CASZ1: variants seen among roughly 807,000 people sequenced by gnomAD.
The protein encoded by CASZ1 is castor zinc finger 1, also known as zinc finger protein castor homolog 1.
A neutral mutation model predicts 135.2 loss-of-function variants in CASZ1; 28 were observed. That is an observed-to-expected ratio of 0.21 (90% confidence interval 0.15 to 0.28). The LOEUF (loss-of-function observed/expected upper bound fraction) is 0.28, where lower values mean the gene tolerates loss of function less well. Ranked by LOEUF, CASZ1 falls within the 10% of genes least tolerant of loss-of-function variation. The pLI is 1.00. For synonymous variants in CASZ1, 1,068 were observed against 1,073.4 expected, an observed-to-expected ratio of 0.99 and a Z score of 0.10; for missense variants, 2,161 against 2,453.3, an observed-to-expected ratio of 0.88 and a Z score of 2.52.
intron 1 of CASZ1, among the ~76,000 whole-genome samples, chr1:10,775,269 A>C (rs1160832594): frequency 1.3e-5 from 2 of 152,174 alleles, no homozygotes; most frequent in African/African-American, 4.8e-5. Context: ...TCTTCACCCA[A>C]AACTCAAAAT....
chr1:10,762,549 C>T lies in CASZ1; in HGVS notation c.-233-1692G>A, dbSNP rs1261137752. Reference sequence around the variant, plus strand: ...CCCAAAGCCCTGGGCAGCCCGTCCACCCACAAAACTCCCCTGGGCTAGAAG... The same window carrying T: ...CCCAAAGCCCTGGGCAGCCCGTCCATCCACAAAACTCCCCTGGGCTAGAAG... On this transcript the variant is annotated intron_variant, in intron 1 of 20. Transcript: ENST00000377022. The surrounding 1 kb of genome is among the most constrained non-coding windows in gnomAD (Gnocchi z 4.1). Among the ~76,000 whole-genome samples the T allele has an allele frequency of 1.3e-5, 2 of 152,172 alleles. No individual in the cohort carries two copies. Among genetic ancestry groups the T allele is most frequent in the African/African-American group, 4.8e-5 (2 of 41,428 alleles).
In CASZ1 at chr1:10,747,165, C is replaced by T. The variant is rs921322108; in HGVS notation, c.-77+13536G>A. On this transcript the variant is annotated intron_variant, in intron 2 of 20. Transcript: ENST00000377022. The surrounding 1 kb of genome is among the most constrained non-coding windows in gnomAD (Gnocchi z 4.3). ...CCCCAGGAGGCTCCAGCTACTCCAC[C>T]AGCTACCCCCATACCCTCTGAGCCT... 2.0e-5 allele frequency among the ~76,000 whole-genome samples: 3 copies of T among 152,232 alleles called. No homozygotes were observed. The highest frequency in any genetic ancestry group is 4.4e-5 in the Non-Finnish European group (3 of 68,032).
intron 2 of CASZ1, among the ~76,000 whole-genome samples, chr1:10,723,467 C>G (rs1318114912): frequency 1.3e-5 from 2 of 152,212 alleles, no homozygotes. Context: ...GGCTGTGGCT[C>G]TGAGCAGTCT....
chr1:10,653,318 C>T (rs1448854478), intron 11 of CASZ1, 59 bp downstream of exon 11: 6 of 1,562,962 alleles, frequency 3.8e-6, no homozygotes, highest in Non-Finnish European at 5.3e-6. Context: ...AGCCTGAGGC[C>T]AGGTGGCCAC....
At chr1:10,687,493 C>A (rs1321270884) in intron 4 of CASZ1, among the ~76,000 whole-genome samples, 2 of 152,266 alleles carry the variant, frequency 1.3e-5, no homozygotes, top group Non-Finnish European at 2.9e-5. Context: ...ACATACCACG[C>A]CCGGGGCAGA....
chr1:10,680,589 G>T (rs1638383742), intron 4 of CASZ1, among the ~76,000 whole-genome samples: 3 of 152,214 alleles, frequency 2.0e-5, no homozygotes, highest in African/African-American at 7.2e-5. Flanking sequence ...AGAGCGCAAA[G>T]GGTAGGGCAA....
Position 10,777,416 on chromosome 1 carries a change from C to A in CASZ1, c.-233-16559G>T, listed in dbSNP as rs1640680769. Among the ~76,000 whole-genome samples, 1 of 152,140 alleles carries A rather than the reference C, an allele frequency of 6.6e-6. No homozygotes were observed. Among genetic ancestry groups the A allele is most frequent in the Admixed American group, 6.5e-5 (1 of 15,270 alleles). ...TGGTCAAACCACCGCATCATTCCCA[C>A]AAAATCCTCTGAGCTCATGCGGAAG... On this transcript the variant is annotated intron_variant, in intron 1 of 20. Transcript: ENST00000377022. This position sits in a 1 kb window ranked among gnomAD's most constrained non-coding sequence, Gnocchi z 4.4.
Position 10,651,017 on chromosome 1 carries a change from CG to C in CASZ1, c.2739del (p.Gly914ValfsTer18). ...GGGCCTGGGGCGCCGGTGCTCTCAC[CG>C]GGTTCCGGCTTCACTTGGGCCGGGG... Reference protein sequence around the residue: ...RFPPAQVKPEPGESTGAPGPH... With the variant: ...RFPPAQVKPEXGESTGAPGPH... On this transcript the variant is annotated frameshift_variant, in exon 12 of 21. Coordinates refer to ENST00000377022, the MANE Select transcript of CASZ1 (RefSeq NM_001079843.3). LOFTEE classifies it high-confidence loss of function. The C allele has an allele frequency of 6.4e-7, 1 of 1,564,506 alleles. No homozygotes were observed. Among genetic ancestry groups the C allele is most frequent in the Non-Finnish European group, 8.6e-7 (1 of 1,164,822 alleles).
intron 1 of CASZ1, among the ~76,000 whole-genome samples, chr1:10,789,010 G>A (rs1447635603): frequency 3.3e-5 from 5 of 152,180 alleles, no homozygotes; most frequent in African/African-American, 7.2e-5. Context: ...GAGCCCAAGG[G>A]GACAGTAAGG....
chr1:10,667,918 C>T (rs1200750778), intron 4 of CASZ1, among the ~76,000 whole-genome samples: 3 of 151,480 alleles, frequency 2.0e-5, no homozygotes, highest in African/African-American at 2.4e-5. Context: ...CCACCAGCTG[C>T]GGTGCAGCTG....
intron 2 of CASZ1, among the ~76,000 whole-genome samples, chr1:10,748,965 C>A (rs544017243): frequency 4.6e-5 from 7 of 152,318 alleles, no homozygotes; most frequent in African/African-American, 1.7e-4. Context: ...TCGCTTCTGT[C>A]TTTGGGGGTC....
At chr1:10,742,512 C>T (rs778357238) in intron 2 of CASZ1, among the ~76,000 whole-genome samples, 1 of 152,124 alleles carries the variant, frequency 6.6e-6, no homozygotes, top group Non-Finnish European at 1.5e-5. Context: ...TCACCTCCTG[C>T]CCATGTGCTT....
intron 1 of CASZ1, among the ~76,000 whole-genome samples, chr1:10,785,398 T>C (rs1640842250): frequency 6.6e-6 from 1 of 152,154 alleles, no homozygotes; most frequent in Non-Finnish European, 1.5e-5. Flanking sequence ...GAAATTAACC[T>C]GCTCCCAGAT....
intron 1 of CASZ1, among the ~76,000 whole-genome samples, chr1:10,790,108 G>A (rs997262543): frequency 7.9e-5 from 12 of 152,218 alleles, no homozygotes; most frequent in African/African-American, 2.9e-4. Flanking sequence ...GCAGAGCGGC[G>A]TGGCAGCCAG....
chr1:10,684,217 C>G (rs904389432), intron 4 of CASZ1, among the ~76,000 whole-genome samples: 2 of 151,988 alleles, frequency 1.3e-5, no homozygotes, highest in Admixed American at 1.3e-4. Context: ...TTCCCTTGTC[C>G]GCATCCTCTC....
At chr1:10,643,569 G>A (rs148052841) in intron 18 of CASZ1, among the ~76,000 whole-genome samples, 4 of 152,338 alleles carry the variant, frequency 2.6e-5, no homozygotes, top group Non-Finnish European at 5.9e-5. Context: ...CCCATCCCCT[G>A]GCTCACACAC....
intron 4 of CASZ1, among the ~76,000 whole-genome samples, chr1:10,685,082 TTTA>T (rs1638543119): frequency 1.3e-5 from 2 of 152,262 alleles, no homozygotes; most frequent in African/African-American, 2.4e-5. Flanking sequence ...CTTTCATTAA[TTTA>T]CTATTACATT....
intron 2 of CASZ1, among the ~76,000 whole-genome samples, chr1:10,716,761 G>A (rs1283543793): frequency 4.6e-5 from 7 of 152,214 alleles, no homozygotes; most frequent in African/African-American, 1.7e-4. Context: ...AATGCCACTA[G>A]TAGGCAGGGC....
chr1:10,761,749 G>A (rs72862920), intron 1 of CASZ1, among the ~76,000 whole-genome samples: 88 of 152,322 alleles, frequency 5.8e-4, no homozygotes, highest in African/African-American at 2.1e-3. Flanking sequence ...TCATGCGCGT[G>A]CAAACACAAA....
Sources: gnomAD v4.1 joint callset for allele counts (sites outside exome capture counted in the v4.1 genomes callset) on GRCh38, gnomAD v4.1.1 for gene constraint, Gnocchi (gnomAD v3.1) non-coding constraint, MANE v1.5 for transcripts, NCBI Gene and HGNC (gene_info 2026-07-23, HGNC 2026-07-21) for gene names.